The following ADAMTSL1 variants were observed in gnomAD, a reference collection of about 807,000 sequenced individuals.
The protein encoded by ADAMTSL1 is ADAMTS like 1, also known as ADAMTS-like protein 1.
Under a neutral mutation model 201.8 loss-of-function variants are expected in ADAMTSL1, and 126 were observed. That is an observed-to-expected ratio of 0.62 (90% CI 0.54 to 0.72). ADAMTSL1 has a LOEUF of 0.72. Among genes scored for constraint, ADAMTSL1 ranks in the 30% least tolerant of loss-of-function variants. The pLI, the probability that ADAMTSL1 is intolerant of heterozygous loss-of-function variation, is 0.00. For synonymous variants in ADAMTSL1, 1,121 were observed against 903.4 expected (o/e 1.24, Z -4.32); for missense variants, 2,679 against 2,277.8 (o/e 1.18, Z -3.59).
At chr9:18,074,514 CTTTTCT>C (rs1823116196) in intron 1 of ADAMTSL1, among the ~76,000 whole-genome samples, 2 of 90,122 alleles carry the variant, frequency 2.2e-5, no homozygotes, top group Non-Finnish European at 4.6e-5. Context: ...TTCTTTTCTT[CTTTTCT>C]TTTCTTTTCT....
intron 2 of ADAMTSL1, among the ~76,000 whole-genome samples, chr9:18,366,044 G>T (rs373350884): frequency 6.6e-6 from 1 of 152,086 alleles, no homozygotes; most frequent in African/African-American, 2.4e-5. Flanking sequence ...GTGACAAAAA[G>T]GTTGGGGACC....
At chr9:18,634,065 A>C (rs2132757981) in intron 5 of ADAMTSL1, among the ~76,000 whole-genome samples, 1 of 152,264 alleles carries the variant, frequency 6.6e-6, no homozygotes, top group African/African-American at 2.4e-5. Flanking sequence ...GTATAAGGCA[A>C]GTTTTGTTTT....
chr9:18,853,919 G>GCA (rs1554648757), intron 23 of ADAMTSL1, among the ~76,000 whole-genome samples: 4 of 49,872 alleles, frequency 8.0e-5, no homozygotes, highest in African/African-American at 1.9e-4. Context: ...GTGTGTGTGT[G>GCA]CGCGTGCATG....
chr9:18,302,153 A>T (rs1198834053), intron 2 of ADAMTSL1, among the ~76,000 whole-genome samples: 1 of 152,186 alleles, frequency 6.6e-6, no homozygotes, highest in Non-Finnish European at 1.5e-5. Flanking sequence ...TACTTTGGCC[A>T]TTCCAACAAT....
At chr9:17,987,813 T>A (rs780368794) in intron 1 of ADAMTSL1, among the ~76,000 whole-genome samples, 3 of 152,078 alleles carry the variant, frequency 2.0e-5, no homozygotes, top group Admixed American at 2.0e-4. Context: ...CTGAGTTAAA[T>A]GCAGACTCAG....
At chr9:18,468,201 G>T (rs921325038) in intron 2 of ADAMTSL1, among the ~76,000 whole-genome samples, 8 of 152,150 alleles carry the variant, frequency 5.3e-5, no homozygotes, top group African/African-American at 1.9e-4. Flanking sequence ...AAACCTCTGA[G>T]ATCTGTGCCA....
At chr9:18,773,398 A>C (rs575576056) in intron 17 of ADAMTSL1, among the ~76,000 whole-genome samples, 2 of 128,706 alleles carry the variant, frequency 1.6e-5, no homozygotes, top group Non-Finnish European at 3.7e-5. Context: ...CTTTCCCCCC[A>C]AAAAAAATTC....
chr9:18,353,402 A>C (rs1836064183), intron 2 of ADAMTSL1, among the ~76,000 whole-genome samples: 2 of 152,196 alleles, frequency 1.3e-5, no homozygotes, highest in Admixed American at 6.5e-5. Context: ...TCCCACATGA[A>C]CTGGATCAAT....
rs1554730404 is a variant in ADAMTSL1, at chr9:18,688,689, A to AAAAATAT, written c.1574+3890_1574+3891insAAATATA. On this transcript the variant is annotated intron_variant, in intron 13 of 28. Coordinates refer to ENST00000380548, the MANE Select transcript of ADAMTSL1 (RefSeq NM_001040272.6). ...AAAAAAAAAAAAAAAAAAAAAAAAA[A>AAAAATAT]ATATATATATATATATATATGACTG... 7.0e-3 allele frequency among the ~76,000 whole-genome samples: 60 copies of AAAAATAT among 8,604 alleles called. 2 individuals are homozygous for AAAAATAT. Among genetic ancestry groups the AAAAATAT allele is most frequent in the Non-Finnish European group, 0.01 (47 of 4,480 alleles). 5.6% of individuals were successfully genotyped at this position (8,604 alleles called of 152,430 possible).
intron 6 of ADAMTSL1, 21 bp downstream of exon 6, chr9:18,636,038 C>G: frequency 3.9e-6 from 6 of 1,549,572 alleles, no homozygotes; most frequent in Non-Finnish European, 5.2e-6. Context: ...CCATTGTTTT[C>G]CTTTGGGAAT....
rs1264222488 is a variant in ADAMTSL1, at chr9:18,706,859, C to A, written c.1687C>A (p.Pro563Thr). 6.2e-7 allele frequency: 1 copy of A among 1,613,434 alleles called. No individual in the cohort carries two copies. The highest frequency in any genetic ancestry group is 8.5e-7 in the Non-Finnish European group (1 of 1,179,662). Residue 563 changes from proline to threonine, a missense_variant, in exon 14 of 29, where the codon CCT becomes ACT. By Grantham distance (38) the Pro-to-Thr change is conservative (BLOSUM62 -1). Transcript: ENST00000380548. ...LSFSQSVADL[P>T]IDECEGPKPA... is the part of the protein sequence containing the mutation. ...TTTCTCTCAGTCCGTGGCTGACCTG[C>A]CTATTGACGAGTGTGAAGGGCCCAA... is the stretch of plus-strand genomic sequence containing the variant.
intron 9 of ADAMTSL1, among the ~76,000 whole-genome samples, chr9:18,663,716 A>T (rs558175916): frequency 6.7e-6 from 1 of 148,760 alleles, no homozygotes; most frequent in South Asian, 2.1e-4. Flanking sequence ...GCTTTTTTCC[A>T]CAAAGAAAAA....
chr9:18,057,232 T>A (rs572625536), intron 1 of ADAMTSL1, among the ~76,000 whole-genome samples: 2 of 152,296 alleles, frequency 1.3e-5, no homozygotes, highest in South Asian at 4.1e-4. Context: ...ACGGTTTTCC[T>A]GTGTGTGGAA....
intron 1 of ADAMTSL1, among the ~76,000 whole-genome samples, chr9:18,066,199 G>A (rs1288179551): frequency 6.6e-6 from 1 of 152,090 alleles, no homozygotes; most frequent in Non-Finnish European, 1.5e-5. Flanking sequence ...TACCGTCAGT[G>A]ATAAAGCATC....
At chr9:18,501,528 A>G (rs1822846856) in intron 1 of ADAMTSL1, among the ~76,000 whole-genome samples, 1 of 151,748 alleles carries the variant, frequency 6.6e-6, no homozygotes. Context: ...AAAAAAAGTA[A>G]AAGAGAAGAG....
intron 23 of ADAMTSL1, among the ~76,000 whole-genome samples, chr9:18,841,743 A>G (rs1158812734): frequency 1.3e-5 from 2 of 152,144 alleles, no homozygotes; most frequent in African/African-American, 4.8e-5. Context: ...CAGAGATTCA[A>G]CTTCTTCCTG....
chr9:18,546,913 G>A (rs553488630), intron 3 of ADAMTSL1, among the ~76,000 whole-genome samples: 6 of 152,156 alleles, frequency 3.9e-5, no homozygotes, highest in South Asian at 4.1e-4. Flanking sequence ...ATTCAGCAAC[G>A]AAAATAAAGT....
intron 2 of ADAMTSL1, among the ~76,000 whole-genome samples, chr9:18,403,579 A>G (rs931209580): frequency 1.3e-5 from 2 of 152,196 alleles, no homozygotes; most frequent in Non-Finnish European, 2.9e-5. Flanking sequence ...AACACATGGA[A>G]AACTATCACT....
At chr9:18,737,014 G>T (rs964419125) in intron 15 of ADAMTSL1, among the ~76,000 whole-genome samples, 6 of 152,078 alleles carry the variant, frequency 3.9e-5, no homozygotes, top group Non-Finnish European at 8.8e-5. Context: ...TGCCTGAAAG[G>T]CCAATTAAAA....
Sources: gnomAD v4.1 joint callset for allele counts (sites outside exome capture counted in the v4.1 genomes callset) on GRCh38, gnomAD v4.1.1 for gene constraint, MANE v1.5 for transcripts, NCBI Gene and HGNC (gene_info 2026-07-23, HGNC 2026-07-21) for gene names.